The following EPHA3 variants were observed in gnomAD, a reference collection of about 807,000 sequenced individuals.
EPHA3 encodes ephrin type-A receptor 3.
Under a neutral mutation model 107.1 loss-of-function variants are expected in EPHA3, and 42 were observed. That is an observed-to-expected ratio of 0.39 (90% CI 0.31 to 0.51). The LOEUF (loss-of-function observed/expected upper bound fraction) is 0.51, where lower values mean the gene tolerates loss of function less well. EPHA3 is among the 20% of genes least tolerant of loss of function. EPHA3 has a pLI of 0.78. For missense variants in EPHA3, 1,183 were observed against 1,211.2 expected, an observed-to-expected ratio of 0.98 and a Z score of 0.35; for synonymous variants, 461 against 424.8, an observed-to-expected ratio of 1.09 and a Z score of -1.05.
At chr3:89,371,450 A>G (rs1708300255) in intron 5 of EPHA3, among the ~76,000 whole-genome samples, 1 of 151,702 alleles carries the variant, frequency 6.6e-6, no homozygotes, top group African/African-American at 2.4e-5. Context: ...ACTGAAGAAG[A>G]GATGATACAA....
At chr3:89,289,171 T>C (rs534240777) in intron 3 of EPHA3, among the ~76,000 whole-genome samples, 1 of 152,218 alleles carries the variant, frequency 6.6e-6, no homozygotes, top group East Asian at 1.9e-4. Flanking sequence ...GAAAGCAATC[T>C]CTATCTACCA....
intron 3 of EPHA3, among the ~76,000 whole-genome samples, chr3:89,317,640 G>A (rs1404806683): frequency 6.6e-6 from 1 of 151,622 alleles, no homozygotes; most frequent in Non-Finnish European, 1.5e-5. Context: ...TAACATCAAA[G>A]AAATGTTAAA....
intron 12 of EPHA3, among the ~76,000 whole-genome samples, chr3:89,430,595 AT>A: frequency 6.6e-6 from 1 of 152,238 alleles, no homozygotes; most frequent in Non-Finnish European, 1.5e-5. Flanking sequence ...GGATTATGTG[AT>A]TTAGTTTCTT....
chr3:89,359,695 G>A (rs147465695), intron 5 of EPHA3, among the ~76,000 whole-genome samples: 6 of 144,372 alleles, frequency 4.2e-5, no homozygotes, highest in South Asian at 4.3e-4. Flanking sequence ...GTGTATATAC[G>A]TTATATATTG....
chr3:89,384,356 A>G (rs951187974), intron 5 of EPHA3, among the ~76,000 whole-genome samples: 14 of 152,158 alleles, frequency 9.2e-5, no homozygotes, highest in Admixed American at 8.5e-4. Context: ...CAGTAGATAG[A>G]CATATTTTTC....
At chr3:89,333,396 T>C (rs570511235) in intron 3 of EPHA3, among the ~76,000 whole-genome samples, 1 of 152,352 alleles carries the variant, frequency 6.6e-6, no homozygotes, top group South Asian at 2.1e-4. Context: ...ATATTTTTAG[T>C]ATTTCTTAAT....
At chr3:89,409,084 C>T (rs1041518619) in intron 9 of EPHA3, among the ~76,000 whole-genome samples, 6 of 151,982 alleles carry the variant, frequency 3.9e-5, no homozygotes, top group Non-Finnish European at 7.4e-5. Flanking sequence ...AAAATAATGC[C>T]TTTCAAAATA....
chr3:89,429,383 C>G (rs1233550653), intron 12 of EPHA3, among the ~76,000 whole-genome samples: 1 of 151,996 alleles, frequency 6.6e-6, no homozygotes, highest in Non-Finnish European at 1.5e-5. Flanking sequence ...TTTGTGAGTT[C>G]TTCTTCAAAA....
chr3:89,351,185 C>A (rs1707806713), intron 5 of EPHA3, among the ~76,000 whole-genome samples: 2 of 151,306 alleles, frequency 1.3e-5, no homozygotes, highest in African/African-American at 4.8e-5. Context: ...CCTAAGCAAG[C>A]CTGGGCAATG....
chr3:89,362,440 G>A (rs1229058742), intron 5 of EPHA3, among the ~76,000 whole-genome samples: 2 of 151,080 alleles, frequency 1.3e-5, no homozygotes, highest in Non-Finnish European at 3.0e-5. Context: ...GTTGGCGCCA[G>A]GCAGCTGCTT....
chr3:89,193,197 C>CA (rs202084144), intron 2 of EPHA3, among the ~76,000 whole-genome samples: 2,095 of 151,834 alleles, frequency 0.014, 26 homozygotes, highest in Non-Finnish European at 0.022. Context: ...AGATGCCACC[C>CA]AAAAAAATGG....
At chr3:89,230,028 A>G (rs1188685557) in intron 3 of EPHA3, among the ~76,000 whole-genome samples, 1 of 152,112 alleles carries the variant, frequency 6.6e-6, no homozygotes, top group African/African-American at 2.4e-5. Flanking sequence ...ATAAGTCAGT[A>G]TGTATGAGCT....
intron 3 of EPHA3, among the ~76,000 whole-genome samples, chr3:89,263,828 G>A (rs1705477055): frequency 6.6e-6 from 1 of 152,128 alleles, no homozygotes; most frequent in South Asian, 2.1e-4. Flanking sequence ...TTGGCTTGAT[G>A]GTGGGGTTTC....
intron 3 of EPHA3, among the ~76,000 whole-genome samples, chr3:89,317,676 T>C (rs1706941038): frequency 6.6e-6 from 1 of 151,898 alleles, no homozygotes; most frequent in South Asian, 2.1e-4. Context: ...GCCCCAAATG[T>C]ACACATTTTA....
At chr3:89,187,978 C>A (rs1476108496) in intron 2 of EPHA3, among the ~76,000 whole-genome samples, 1 of 152,098 alleles carries the variant, frequency 6.6e-6, no homozygotes, top group Non-Finnish European at 1.5e-5. Context: ...TAACTGGTAT[C>A]TCCTAAACAG....
intron 5 of EPHA3, among the ~76,000 whole-genome samples, chr3:89,357,496 C>T (rs1193710841): frequency 6.6e-6 from 1 of 151,084 alleles, no homozygotes; most frequent in Non-Finnish European, 1.5e-5. Context: ...TAGCTTATCA[C>T]GCTATTTGAA....
At chr3:89,433,196 A>G (rs1385163952) in intron 13 of EPHA3, among the ~76,000 whole-genome samples, 1 of 152,024 alleles carries the variant, frequency 6.6e-6, no homozygotes, top group Non-Finnish European at 1.5e-5. Flanking sequence ...TTCTCTCCTA[A>G]TGGCAGTATC....
At chr3:89,144,950 G>A (rs553920993) in intron 2 of EPHA3, among the ~76,000 whole-genome samples, 42 of 151,676 alleles carry the variant, frequency 2.8e-4, no homozygotes, top group African/African-American at 8.0e-4. Flanking sequence ...CAATCATATC[G>A]TTCTTATAGT....
intron 3 of EPHA3, among the ~76,000 whole-genome samples, chr3:89,328,099 A>G (rs963572702): frequency 2.6e-5 from 4 of 152,122 alleles, no homozygotes; most frequent in African/African-American, 9.7e-5. Flanking sequence ...CTCCATCTCA[A>G]AAAAAGAAAA....
Sources: allele counts gnomAD v4.1 joint callset (sites outside exome capture counted in the v4.1 genomes callset), GRCh38; gene constraint gnomAD v4.1.1; transcripts MANE v1.5; gene names NCBI Gene and HGNC (gene_info 2026-07-23, HGNC 2026-07-21).